The following COL21A1 variants were observed in gnomAD, a reference collection of about 807,000 sequenced individuals.
The protein encoded by COL21A1 is collagen alpha-1(XXI) chain.
In COL21A1, 149 loss-of-function variants were observed where a neutral mutation model predicts 137.9. The ratio of observed to expected loss-of-function variants is 1.08; its 90% CI spans 0.95 to 1.24. The LOEUF is 1.24. Ranked by LOEUF, COL21A1 falls within the 50% of genes most tolerant of loss-of-function variation. The pLI is 0.00. For synonymous variants in COL21A1, 456 were observed against 391.5 expected, an observed-to-expected ratio of 1.16 and a Z score of -1.95; for missense variants, 1,167 against 1,158.4, an observed-to-expected ratio of 1.01 and a Z score of -0.11.
chr6:56,098,055 AT>A (rs1453064990), intron 17 of COL21A1, among the ~76,000 whole-genome samples: 1 of 52,200 alleles, frequency 1.9e-5, no homozygotes, highest in African/African-American at 8.6e-5. Flanking sequence ...ATATATAAAT[AT>A]ATATAAATAT....
At position 56,351,458 on chromosome 6, in the gene COL21A1, T is replaced by C. The variant is rs528502284; in HGVS notation, c.-39+42513A>G. On this transcript the variant is annotated intron_variant, in intron 1 of 28. Coordinates refer to the COL21A1 transcript ENST00000370819. ...GCTAAAACTGTTAAGAAAATCCATC[T>C]TTCTGGACAGAGAACCAGTAAATGG... Among the ~76,000 whole-genome samples, 7 of 152,320 alleles carry C rather than the reference T, an allele frequency of 4.6e-5. No individual in the cohort carries two copies. The South Asian group carries it at 1.0e-3, about 23-fold the overall frequency.
chr6:56,344,687 CT>C (rs1335737666), intron 1 of COL21A1, among the ~76,000 whole-genome samples: 1 of 152,016 alleles, frequency 6.6e-6, no homozygotes, highest in African/African-American at 2.4e-5. Context: ...GAGGACAGGC[CT>C]GGTGGGGAGG....
At chr6:56,301,175 C>A (rs1000780223) in intron 1 of COL21A1, among the ~76,000 whole-genome samples, 2 of 152,162 alleles carry the variant, frequency 1.3e-5, no homozygotes, top group Non-Finnish European at 2.9e-5. Context: ...GCAAAAGAGA[C>A]TCTAAAGATG....
At chr6:56,129,490 C>T (rs763246477) in intron 12 of COL21A1, among the ~76,000 whole-genome samples, 14 of 152,188 alleles carry the variant, frequency 9.2e-5, no homozygotes, top group Non-Finnish European at 1.6e-4. Flanking sequence ...CTCATTTAAA[C>T]TACTGCATTT....
chr6:56,060,155 T>C lies in COL21A1; in HGVS notation c.2471A>G (p.His824Arg). Residue 824 changes from histidine (H) to arginine (R), a missense_variant, in exon 28 of 30, where the codon CAT becomes CGT. His to Arg is a conservative substitution (Grantham distance 29). Transcript: ENST00000244728. ...TGGCCCAGGAATACCCGGGGAGCCATGTTGGGACAGGCAATGATCACAATT... is the reference window on the plus strand; with the variant it reads ...TGGCCCAGGAATACCCGGGGAGCCACGTTGGGACAGGCAATGATCACAATT... ...IRNCDHCLSQHGSPGIPGPPG... is the reference protein window; with the variant it reads ...IRNCDHCLSQRGSPGIPGPPG... 6.2e-7 allele frequency: 1 copy of C among 1,611,230 alleles called. No individual in the cohort carries two copies. Among genetic ancestry groups the C allele is most frequent in the Middle Eastern group, 1.7e-4 (1 of 6,048 alleles).
At chr6:56,342,585 A>G (rs1765494617) in intron 1 of COL21A1, among the ~76,000 whole-genome samples, 1 of 152,214 alleles carries the variant, frequency 6.6e-6, no homozygotes, top group African/African-American at 2.4e-5. Context: ...TCAGAATTCT[A>G]CCATCGACTA....
rs115594450 is a variant in COL21A1 at position 56,161,441 on chromosome 6, C to T, written c.1371+2982G>A. On this transcript the variant is annotated intron_variant, in intron 9 of 29. Transcript: ENST00000244728. ...AGCTGGGGTGGACCTGGATCTTTCT[C>T]GCAGAACAGAAGCGCGTTCCATATA... is the stretch of plus-strand genomic sequence containing the variant. Among the ~76,000 whole-genome samples, 188 of 152,120 alleles carry T rather than the reference C, an allele frequency of 1.2e-3. 3 individuals carry two copies. Among genetic ancestry groups the T allele is most frequent in the African/African-American group, 4.2e-3 (176 of 41,504 alleles).
upstream of COL21A1, among the ~76,000 whole-genome samples, chr6:56,248,270 C>G (rs1055651189): frequency 6.6e-6 from 1 of 152,200 alleles, no homozygotes; most frequent in Non-Finnish European, 1.5e-5. Flanking sequence ...ACACACAAGA[C>G]CTGTTTGCCC....
chr6:56,227,533 T>C (rs1425885239), intron 1 of COL21A1, among the ~76,000 whole-genome samples: 1 of 152,052 alleles, frequency 6.6e-6, no homozygotes, highest in Non-Finnish European at 1.5e-5. Flanking sequence ...TCAGATCCTG[T>C]CTTGACAGTT....
intron 10 of COL21A1, among the ~76,000 whole-genome samples, chr6:56,145,216 C>G (rs1194129272): frequency 2.0e-5 from 3 of 152,108 alleles, no homozygotes; most frequent in East Asian, 1.9e-4. Flanking sequence ...TGTAATGGCT[C>G]TCTTTGTTAT....
intron 19 of COL21A1, among the ~76,000 whole-genome samples, chr6:56,074,651 T>C (rs1767051593): frequency 6.6e-6 from 1 of 151,400 alleles, no homozygotes; most frequent in African/African-American, 2.4e-5. Flanking sequence ...TTATCCTGAT[T>C]AACATTACTT....
In COL21A1 at chr6:56,336,022, A is replaced by T. The variant is rs534494799; in HGVS notation, c.-39+57949T>A. ...GCAACAATAATGAGGACAACAGACA[A>T]GGCTAATAACAGCTAACATTTACAA... On this transcript the variant is annotated intron_variant, in intron 1 of 28. Transcript: ENST00000370819. Among the ~76,000 whole-genome samples, 3 of 152,352 alleles carry T rather than the reference A, an allele frequency of 2.0e-5. No individual in the cohort carries two copies. In the South Asian group the frequency reaches 6.2e-4, roughly 32 times the overall value.
At chr6:56,221,588 C>T (rs1028812435) in intron 1 of COL21A1, among the ~76,000 whole-genome samples, 2 of 151,998 alleles carry the variant, frequency 1.3e-5, no homozygotes, top group African/African-American at 2.4e-5. Context: ...AGCTGACTGT[C>T]GTGTCACACA....
intron 16 of COL21A1, among the ~76,000 whole-genome samples, chr6:56,116,175 A>T (rs1771900642): frequency 6.6e-6 from 1 of 152,098 alleles, no homozygotes; most frequent in Admixed American, 6.5e-5. Flanking sequence ...TGAAGGCTAT[A>T]GAACACCAAG....
chr6:56,233,388 C>T (rs1401444512), intron 1 of COL21A1, among the ~76,000 whole-genome samples: 1 of 151,612 alleles, frequency 6.6e-6, no homozygotes, highest in Non-Finnish European at 1.5e-5. Context: ...CAGTTAATAA[C>T]AGTAAAAGGA....
At chr6:56,297,078 T>A (rs1034153012) in intron 1 of COL21A1, among the ~76,000 whole-genome samples, 2 of 152,044 alleles carry the variant, frequency 1.3e-5, no homozygotes, top group African/African-American at 2.4e-5. Flanking sequence ...TTTATTAAAT[T>A]GCCAATCTCC....
chr6:56,201,647 T>A (rs1032205218), intron 1 of COL21A1, among the ~76,000 whole-genome samples: 2 of 152,142 alleles, frequency 1.3e-5, no homozygotes, highest in African/African-American at 4.8e-5. Context: ...TAAGAATTCA[T>A]TTGTATGTGT....
intron 1 of COL21A1, among the ~76,000 whole-genome samples, chr6:56,306,492 C>A (rs1309597322): frequency 6.6e-6 from 1 of 152,206 alleles, no homozygotes; most frequent in African/African-American, 2.4e-5. Context: ...CATCTTCCAT[C>A]ACTGATACCC....
intron 1 of COL21A1, among the ~76,000 whole-genome samples, chr6:56,239,066 C>CCATA (rs1486769563): frequency 6.6e-6 from 1 of 152,142 alleles, no homozygotes; most frequent in Non-Finnish European, 1.5e-5. Context: ...AGAGCCACAA[C>CCATA]CATACAACAC....
Sources: gnomAD v4.1 joint callset for allele counts (sites outside exome capture counted in the v4.1 genomes callset) on GRCh38, gnomAD v4.1.1 for gene constraint, MANE v1.5 for transcripts, NCBI Gene and HGNC (gene_info 2026-07-23, HGNC 2026-07-21) for gene names.